Variants in MAGI3 observed in about 807,000 individuals in gnomAD.
MAGI3 encodes membrane-associated guanylate kinase, WW and PDZ domain-containing protein 3.
A neutral mutation model predicts 121.8 loss-of-function variants in MAGI3; 43 were observed. The observed-to-expected ratio is 0.35, with a 90% confidence interval of 0.28 to 0.46. MAGI3 has a LOEUF of 0.46. Among genes scored for constraint, MAGI3 ranks in the 20% least tolerant of loss-of-function variants. MAGI3 has a pLI of 1.00. For synonymous variants in MAGI3, 553 were observed against 639.3 expected, an observed-to-expected ratio of 0.86 and a Z score of 2.04; for missense variants, 1,547 against 1,797.3, an observed-to-expected ratio of 0.86 and a Z score of 2.52.
rs755524622 is a variant in MAGI3, at chr1:113,580,575, C to A, written c.467C>A (p.Pro156Gln). Reference sequence around the variant, plus strand: ...AGGGCCCCCAGGGATGGAGAAGTACCAGGAGTGGATTATAATTTCATTTCC... The same window carrying A: ...AGGGCCCCCAGGGATGGAGAAGTACAAGGAGTGGATTATAATTTCATTTCC... ...TTRAPRDGEV[P>Q]GVDYNFISVE... The change falls in exon 3 of 21, where the codon CCA (proline) becomes CAA (glutamine). Residue 156 changes from proline (P) to glutamine (Q), a missense_variant. Physicochemically the swap from Pro to Gln is moderately conservative, Grantham distance 76. Transcript: ENST00000307546. The A allele has an allele frequency of 8.1e-6, 13 of 1,611,028 alleles. No individual in the cohort carries two copies. The South Asian group carries it at 1.4e-4, about 18-fold the overall frequency.
At chr1:113,610,678 A>G (rs1343071828) in intron 6 of MAGI3, among the ~76,000 whole-genome samples, 3 of 152,092 alleles carry the variant, frequency 2.0e-5, no homozygotes, top group Non-Finnish European at 4.4e-5. Context: ...ACCAAGTTCT[A>G]TCAATTCTAA....
chr1:113,635,655 A>T (rs1291382437), intron 9 of MAGI3, among the ~76,000 whole-genome samples: 1 of 151,864 alleles, frequency 6.6e-6, no homozygotes, highest in Non-Finnish European at 1.5e-5. Context: ...TTTTTGCATC[A>T]ATGTTCATCA....
At chr1:113,584,717 C>T (rs1286299741) in intron 3 of MAGI3, among the ~76,000 whole-genome samples, 2 of 152,158 alleles carry the variant, frequency 1.3e-5, no homozygotes, top group African/African-American at 4.8e-5. Flanking sequence ...TCTTACATGA[C>T]AGCATCAATG....
intron 1 of MAGI3, among the ~76,000 whole-genome samples, chr1:113,516,904 C>T (rs767646025): frequency 6.6e-6 from 1 of 151,934 alleles, no homozygotes; most frequent in Non-Finnish European, 1.5e-5. Context: ...ACTCGTCTTC[C>T]TCTCAAAAAC....
At chr1:113,547,896 C>T (rs897976610) in intron 1 of MAGI3, among the ~76,000 whole-genome samples, 6 of 152,092 alleles carry the variant, frequency 3.9e-5, no homozygotes, top group Non-Finnish European at 7.4e-5. Flanking sequence ...ACAAAGGCTC[C>T]CCCTTGCTCA....
intron 2 of MAGI3, among the ~76,000 whole-genome samples, chr1:113,557,967 C>T (rs1216189203): frequency 6.6e-6 from 1 of 152,030 alleles, no homozygotes; most frequent in Admixed American, 6.5e-5. Context: ...TCCAGCAGCC[C>T]TGCAGAAGAG....
At chr1:113,643,897 G>T in intron 11 of MAGI3, 123 bp downstream of exon 11, 1 of 1,024,442 alleles carries the variant, frequency 9.8e-7, no homozygotes. Context: ...GAGGCATGCT[G>T]CCCTTGGCTT....
At chr1:113,460,411 G>A (rs181921503) in intron 1 of MAGI3, among the ~76,000 whole-genome samples, 102 of 152,314 alleles carry the variant, frequency 6.7e-4, no homozygotes, top group African/African-American at 2.3e-3. Flanking sequence ...AGTACTGGAA[G>A]TCCTTACCAG....
At chr1:113,644,951 T>C (rs563931741) in intron 11 of MAGI3, among the ~76,000 whole-genome samples, 1 of 152,108 alleles carries the variant, frequency 6.6e-6, no homozygotes, top group Admixed American at 6.5e-5. Flanking sequence ...TAGTTCTTTC[T>C]AGCCCACCAA....
rs537350068 is a variant in MAGI3 at position 113,593,062 on chromosome 1, G to C, written c.939-1419G>C. Among the ~76,000 whole-genome samples the C allele has an allele frequency of 1.2e-3, 190 of 152,212 alleles. 2 individuals are homozygous for C. Among genetic ancestry groups the C allele is most frequent in the Admixed American group, 4.3e-3 (66 of 15,292 alleles). On this transcript the variant is annotated intron_variant, in intron 5 of 20. Transcript: ENST00000307546. ...TGTTTCTATCACATTCTACCAGCTA[G>C]TATTATACCTGGCAGTGGCTGCAGA... is the stretch of plus-strand genomic sequence containing the variant.
At chr1:113,626,379 G>A (rs1651242125) in intron 9 of MAGI3, among the ~76,000 whole-genome samples, 1 of 152,112 alleles carries the variant, frequency 6.6e-6, no homozygotes, top group South Asian at 2.1e-4. Flanking sequence ...ATTTTGTTGA[G>A]GAGTTTTACA....
Position 113,416,424 on chromosome 1 carries a change from T to TTATATATTATTTATATATC in MAGI3, c.316+25075_316+25076insTATATATTATTTATATATC, listed in dbSNP as rs60041628. 4.2e-3 allele frequency among the ~76,000 whole-genome samples: 535 copies of TTATATATTATTTATATATC among 127,614 alleles called. 2 individuals carry two copies. The highest frequency in any genetic ancestry group is 6.3e-3 in the Non-Finnish European group (395 of 62,986). The allele number at this position is 127,614 out of a possible 152,430, so 83.7% of individuals were successfully genotyped here. ...TAATTAATTAATAATTAATAATTAATAATATATATTAATTATATATGATTT... is the reference window on the plus strand; with the variant it reads ...TAATTAATTAATAATTAATAATTAATTATATATTATTTATATATCAATATATATTAATTATATATGATTT... On this transcript the variant is annotated intron_variant, in intron 1 of 20. Coordinates refer to ENST00000307546, the MANE Select transcript of MAGI3 (RefSeq NM_001142782.2).
chr1:113,399,438 G>A (rs1369614446), intron 1 of MAGI3, among the ~76,000 whole-genome samples: 1 of 152,072 alleles, frequency 6.6e-6, no homozygotes, highest in African/African-American at 2.4e-5. Flanking sequence ...CAATACTACA[G>A]GAAATGATCT....
chr1:113,458,418 G>C (rs1240354057), intron 1 of MAGI3, among the ~76,000 whole-genome samples: 23 of 152,116 alleles, frequency 1.5e-4, no homozygotes, highest in Admixed American at 1.5e-3. Context: ...CTCTGTTTTG[G>C]CTGTGTTAAC....
intron 1 of MAGI3, among the ~76,000 whole-genome samples, chr1:113,415,516 C>T (rs1225885074): frequency 6.6e-6 from 1 of 151,956 alleles, no homozygotes; most frequent in African/African-American, 2.4e-5. Context: ...TCTTCCTTTG[C>T]CTCTCTTTTC....
chr1:113,533,128 C>G (rs1658804020), intron 1 of MAGI3, among the ~76,000 whole-genome samples: 1 of 152,186 alleles, frequency 6.6e-6, no homozygotes, highest in Non-Finnish European at 1.5e-5. Flanking sequence ...TTGCCTACAG[C>G]AGCTCTAAGT....
chr1:113,583,195 T>C (rs1459644202), intron 3 of MAGI3, among the ~76,000 whole-genome samples: 1 of 151,840 alleles, frequency 6.6e-6, no homozygotes, highest in Non-Finnish European at 1.5e-5. Flanking sequence ...GTGCACAACA[T>C]GCAGGTTTGT....
chr1:113,390,659 G>GC lies in MAGI3; in HGVS notation c.-368dup, dbSNP rs1014975005. 1.2e-4 allele frequency: 18 copies of GC among 153,170 alleles called. No individual in the cohort carries two copies. The highest frequency in any genetic ancestry group is 2.3e-4 in the Non-Finnish European group (16 of 68,868). The allele number at this position is 153,170 out of a possible 1,614,324, so 9.5% of individuals were successfully genotyped here. A position where few individuals can be genotyped will look rare whatever the true frequency, so the allele number is the denominator to read the frequency against. On this transcript the variant is annotated 5_prime_UTR_variant, in exon 1 of 21. Transcript: ENST00000307546. The stretch of plus-strand genomic sequence containing the variant: ...CCGGCTCTTCCCCCTTCACCTCCCC[G>GC]CCCCCCCGCCTCAGCCTTTCCCGCC...
chr1:113,487,222 T>C (rs1181688866), intron 1 of MAGI3, among the ~76,000 whole-genome samples: 1 of 152,186 alleles, frequency 6.6e-6, no homozygotes, highest in Non-Finnish European at 1.5e-5. Flanking sequence ...GAAAGTAAAC[T>C]GTATATGAAG....
Sources: allele counts gnomAD v4.1 joint callset (sites outside exome capture counted in the v4.1 genomes callset), GRCh38; gene constraint gnomAD v4.1.1; transcripts MANE v1.5; gene names NCBI Gene and HGNC (gene_info 2026-07-23, HGNC 2026-07-21).